Variants in RUFY2 observed in about 807,000 individuals in gnomAD.
RUFY2 encodes the protein RUN and FYVE domain containing 2.
In RUFY2, 49 loss-of-function variants were observed where a neutral mutation model predicts 94.4. The ratio of observed to expected loss-of-function variants is 0.52; its 90% CI spans 0.41 to 0.66. The LOEUF is 0.66. Among genes scored for constraint, RUFY2 ranks in the 30% least tolerant of loss-of-function variants. The pLI is 0.00. For synonymous variants in RUFY2, 255 were observed against 235.7 expected, an observed-to-expected ratio of 1.08 and a Z score of -0.75; for missense variants, 541 against 692.8, an observed-to-expected ratio of 0.78 and a Z score of 2.46.
downstream of RUFY2, chr10:68,342,619 GA>G: frequency 6.6e-6 from 1 of 152,656 alleles, no homozygotes; most frequent in Admixed American, 6.5e-5. Flanking sequence ...GATGATCTAA[GA>G]GGTATTGATT....
intron 15 of RUFY2, among the ~76,000 whole-genome samples, chr10:68,359,016 T>A (rs1356419152): frequency 1.3e-5 from 2 of 152,200 alleles, no homozygotes; most frequent in Non-Finnish European, 2.9e-5. Flanking sequence ...GGCCTCTCTA[T>A]GATACATATT....
At chr10:68,348,443 T>A (rs2046432409) in intron 16 of RUFY2, among the ~76,000 whole-genome samples, 1 of 150,390 alleles carries the variant, frequency 6.6e-6, no homozygotes, top group African/African-American at 2.5e-5. Context: ...CTTAAACCCA[T>A]ATGTTCAAGG....
At chr10:68,355,458 TTAGTATTTCAG>T in intron 15 of RUFY2, 57 bp from the exon 16 acceptor site, 1 of 1,089,980 alleles carries the variant, frequency 9.2e-7, no homozygotes, top group Non-Finnish European at 1.4e-6. Context: ...TATAGAACAC[TTAGTATTTCAG>T]TAGGTATTGG....
intron 12 of RUFY2, chr10:68,377,320 C>T: frequency 9.2e-7 from 1 of 1,088,140 alleles, no homozygotes; most frequent in East Asian, 9.1e-5. Flanking sequence ...TACCTTTTTA[C>T]AAAACCATGA....
intron 13 of RUFY2, among the ~76,000 whole-genome samples, chr10:68,368,952 A>C (rs2048057041): frequency 6.6e-6 from 1 of 152,070 alleles, no homozygotes; most frequent in Non-Finnish European, 1.5e-5. Context: ...CCCGAGAAAA[A>C]ACCCATGCCC....
chr10:68,377,998 C>T (rs1051179124), intron 12 of RUFY2: 6 of 985,138 alleles, frequency 6.1e-6, no homozygotes, highest in Non-Finnish European at 7.2e-6. Flanking sequence ...GGATTGGACC[C>T]AAGCTTTTCT....
At chr10:68,384,181 A>T in intron 8 of RUFY2, 29 bp from the exon 9 acceptor site, 1 of 1,590,834 alleles carries the variant, frequency 6.3e-7, no homozygotes, top group Non-Finnish European at 8.5e-7. Flanking sequence ...GCAAGAAAAA[A>T]GATTTTAAAC....
chr10:68,377,251 C>A, intron 12 of RUFY2: 1 of 1,252,496 alleles, frequency 8.0e-7, no homozygotes, highest in Non-Finnish European at 1.0e-6. Flanking sequence ...AGCAATACAG[C>A]CTTTACCACT....
chr10:68,360,815 T>C (rs552016798), intron 15 of RUFY2, among the ~76,000 whole-genome samples: 109 of 151,680 alleles, frequency 7.2e-4, no homozygotes, highest in Non-Finnish European at 1.4e-3. Flanking sequence ...ATTTCAATTT[T>C]CAAACCCAGT....
At chr10:68,346,244 T>G in intron 16 of RUFY2, 160 bp from the exon 17 acceptor site, 1 of 606,832 alleles carries the variant, frequency 1.6e-6, no homozygotes, top group Non-Finnish European at 2.8e-6. Flanking sequence ...ATGTATGGAA[T>G]TAGCCTCAAA....
chr10:68,381,489 G>A (rs2049052500), intron 10 of RUFY2, 90 bp from the exon 11 acceptor site: 1 of 1,210,174 alleles, frequency 8.3e-7, no homozygotes, highest in Admixed American at 2.2e-5. Context: ...TCAATATGCA[G>A]ACTACACCTT....
intron 3 of RUFY2, among the ~76,000 whole-genome samples, chr10:68,397,119 G>C (rs1209606862): frequency 6.6e-6 from 1 of 152,164 alleles, no homozygotes; most frequent in African/African-American, 2.4e-5. Flanking sequence ...TCTAAACACA[G>C]TAGTGTGTCA....
chr10:68,362,676 G>A (rs953854612), intron 15 of RUFY2, among the ~76,000 whole-genome samples: 2 of 152,016 alleles, frequency 1.3e-5, no homozygotes, highest in African/African-American at 4.8e-5. Flanking sequence ...TGTAGTCTCA[G>A]CTACTTGGTA....
intron 12 of RUFY2, chr10:68,378,517 T>C (rs779660875): frequency 1.4e-6 from 2 of 1,458,884 alleles, no homozygotes; most frequent in Non-Finnish European, 1.8e-6. Flanking sequence ...TATTATAAAA[T>C]TGTTGATTCT....
intron 16 of RUFY2, among the ~76,000 whole-genome samples, chr10:68,350,483 C>T (rs554504636): frequency 3.3e-5 from 5 of 152,270 alleles, no homozygotes; most frequent in African/African-American, 1.2e-4. Flanking sequence ...AAAAAGTCAA[C>T]TCAGATATGA....
intron 1 of RUFY2, chr10:68,406,906 C>T (rs1372843100): frequency 6.3e-7 from 1 of 1,576,780 alleles, no homozygotes; most frequent in Non-Finnish European, 8.6e-7. Flanking sequence ...GACACCCTGC[C>T]TGGCCCTGTC....
At chr10:68,402,668 G>T (rs1237341568) in intron 2 of RUFY2, among the ~76,000 whole-genome samples, 1 of 151,006 alleles carries the variant, frequency 6.6e-6, no homozygotes, top group Admixed American at 6.6e-5. Flanking sequence ...CTGAAATCAA[G>T]ATGCACTCCT....
chr10:68,346,765 T>A (rs1422134882), intron 16 of RUFY2: 1 of 152,260 alleles, frequency 6.6e-6, no homozygotes, highest in Non-Finnish European at 1.5e-5. Context: ...CAACAATATT[T>A]AAGGATAAAT....
chr10:68,381,201 A>T, intron 11 of RUFY2, 31 bp downstream of exon 11: 2 of 1,524,930 alleles, frequency 1.3e-6, no homozygotes, highest in South Asian at 2.5e-5. Flanking sequence ...CTTTCAATTT[A>T]CATAAAATGA....
Sources: allele counts gnomAD v4.1 joint callset (sites outside exome capture counted in the v4.1 genomes callset), GRCh38; gene constraint gnomAD v4.1.1; transcripts MANE v1.5; gene names NCBI Gene and HGNC (gene_info 2026-07-23, HGNC 2026-07-21).